The following SPTB variants were observed in gnomAD, a reference collection of about 807,000 sequenced individuals.
SPTB encodes spectrin beta chain, erythrocytic.
Under a neutral mutation model 256.2 loss-of-function variants are expected in SPTB, and 45 were observed. The observed-to-expected ratio is 0.18, with a 90% CI of 0.14 to 0.23. The LOEUF is 0.23. SPTB is among the 10% of genes least tolerant of loss of function. The pLI is 1.00. For synonymous variants in SPTB, 1,231 were observed against 1,243.1 expected (o/e 0.99, Z 0.21); for missense variants, 2,715 against 3,040.4 (o/e 0.89, Z 2.52).
intron 15 of SPTB, among the ~76,000 whole-genome samples, chr14:64,789,187 CA>C (rs1049990042): frequency 6.6e-6 from 1 of 150,858 alleles, no homozygotes; most frequent in African/African-American, 2.4e-5. Flanking sequence ...CTCATCTCTA[CA>C]AAAAAAACAA....
chr14:64,779,720 C>A lies in SPTB; in HGVS notation c.4473+5G>T. On this transcript the variant is annotated splice_donor_5th_base_variant and intron_variant, in intron 21 of 35. Transcript: ENST00000644917. This position sits in a 1 kb window ranked among gnomAD's most constrained non-coding sequence, Gnocchi z 4.2. ...GGAGGTAGGGAGAAGCTGTGGCCCACGCACCGTCTCATCCTCTAAGTCCCG... is the reference window on the plus strand; with the variant it reads ...GGAGGTAGGGAGAAGCTGTGGCCCAAGCACCGTCTCATCCTCTAAGTCCCG... 2 of 1,614,098 alleles carry A rather than the reference C, an allele frequency of 1.2e-6. No individual in the cohort carries two copies. Among genetic ancestry groups the A allele is most frequent in the Non-Finnish European group, 1.7e-6 (2 of 1,180,008 alleles).
rs980682577 is a variant in SPTB at position 64,774,344 on chromosome 14, C to A, written c.4973+53G>T. On this transcript the variant is annotated intron_variant, in intron 24 of 35. Coordinates refer to ENST00000644917, the MANE Select transcript of SPTB (RefSeq NM_001355436.2). ...ATCTGAAGGGACGTTGGCTGGTGGG[C>A]CCCTGGCTCAATCCCCATCTCCTGA... The A allele has an allele frequency of 3.2e-6, 5 of 1,550,588 alleles. No homozygotes were observed. The African/African-American group carries it at 5.4e-5, about 17-fold the overall frequency.
Position 64,786,004 on chromosome 14 carries a change from A to C in SPTB, c.3562-53T>G. On this transcript the variant is annotated intron_variant, in intron 16 of 35. Coordinates refer to ENST00000644917, the MANE Select transcript of SPTB (RefSeq NM_001355436.2). The surrounding 1 kb of genome is among the most constrained non-coding windows in gnomAD (Gnocchi z 5.6). Reference sequence around the variant, plus strand: ...ATGAAGACACACGGAGGAGGTGATGAGCACACCTCCCAAGTGGGAGCACCA... The same window carrying C: ...ATGAAGACACACGGAGGAGGTGATGCGCACACCTCCCAAGTGGGAGCACCA... 1 of 1,565,124 alleles carries C rather than the reference A, an allele frequency of 6.4e-7. No individual in the cohort carries two copies. The highest frequency in any genetic ancestry group is 8.8e-7 in the Non-Finnish European group (1 of 1,139,290).
rs182227046 is a variant in SPTB, at chr14:64,853,892, T to G, written c.-52+25900A>C. Among the ~76,000 whole-genome samples, 624 of 152,292 alleles carry G rather than the reference T, an allele frequency of 4.1e-3. 4 individuals carry two copies. The highest frequency in any genetic ancestry group is 0.014 in the African/African-American group (566 of 41,556). On this transcript the variant is annotated intron_variant, in intron 1 of 35. Coordinates refer to ENST00000644917, the MANE Select transcript of SPTB (RefSeq NM_001355436.2). This position sits in a 1 kb window ranked among gnomAD's most constrained non-coding sequence, Gnocchi z 4.3. The stretch of plus-strand genomic sequence containing the variant: ...CTCAAGAGACATTTATTAAAAATTT[T>G]TTTAGATACTTATCACTGGCCAGCC...
rs1315784039 is a variant in SPTB, at chr14:64,827,667, T to C, written c.-51-4522A>G. On this transcript the variant is annotated intron_variant, in intron 1 of 35. Coordinates refer to ENST00000644917, the MANE Select transcript of SPTB (RefSeq NM_001355436.2). The surrounding 1 kb of genome is among the most constrained non-coding windows in gnomAD (Gnocchi z 4.6). The stretch of plus-strand genomic sequence containing the variant: ...GAATAGTCAAATACACAAAAACACA[T>C]GTGCACACACTCACTAGAATGAGAA... Among the ~76,000 whole-genome samples, 1 of 152,210 alleles carries C rather than the reference T, an allele frequency of 6.6e-6. No homozygotes were observed. The highest frequency in any genetic ancestry group is 1.5e-5 in the Non-Finnish European group (1 of 68,026).
Position 64,748,862 on chromosome 14 carries a change from T to A in SPTB, c.*444A>T, listed in dbSNP as rs1323039093. 5.9e-6 allele frequency: 1 copy of A among 169,350 alleles called. No homozygotes were observed. The highest frequency in any genetic ancestry group is 1.2e-5 in the Non-Finnish European group (1 of 80,594). The allele number at this position is 169,350 out of a possible 1,614,324, so 10.5% of individuals were successfully genotyped here. On this transcript the variant is annotated 3_prime_UTR_variant, in exon 36 of 36. Transcript: ENST00000644917. ...TCCCCTTTCCCTGGCTGCCACCAGG[T>A]GGGAGGTGACCCGAAGCAAGACTTG...
At chr14:64,752,475 G>A (rs2081966429) in intron 33 of SPTB, among the ~76,000 whole-genome samples, 1 of 152,212 alleles carries the variant, frequency 6.6e-6, no homozygotes, top group Non-Finnish European at 1.5e-5. Context: ...TGGCAGAAAG[G>A]CAGTTACTAA....
Position 64,779,144 on chromosome 14 carries a change from A to G in SPTB, c.4563+13T>C. On this transcript the variant is annotated intron_variant, in intron 22 of 35. Transcript: ENST00000644917. This position sits in a 1 kb window ranked among gnomAD's most constrained non-coding sequence, Gnocchi z 4.2. ...AGGGGTGGGTGGGGCTGGTGAGGTGACGCAGGACTCACCTGGTTCTTCTTC... is the reference window on the plus strand; with the variant it reads ...AGGGGTGGGTGGGGCTGGTGAGGTGGCGCAGGACTCACCTGGTTCTTCTTC... 6.2e-7 allele frequency: 1 copy of G among 1,611,812 alleles called. No homozygotes were observed. Among genetic ancestry groups the G allele is most frequent in the Non-Finnish European group, 8.5e-7 (1 of 1,178,850 alleles).
At chr14:64,797,678 C>T (rs538149947) in intron 10 of SPTB, 51 bp downstream of exon 10, 129 of 1,357,182 alleles carry the variant, frequency 9.5e-5, no homozygotes, top group East Asian at 6.2e-4. Flanking sequence ...GTGTCCTTAT[C>T]GGGAATTCAA....
chr14:64,794,565 A>G lies in SPTB; in HGVS notation c.1697T>C (p.Leu566Pro). The change falls in exon 13 of 36, where the codon CTG (leucine) becomes CCG (proline). Residue 566 changes from leucine (L) to proline (P), a missense_variant. Leu to Pro is a moderately conservative substitution (Grantham distance 98). Coordinates refer to ENST00000644917, the MANE Select transcript of SPTB (RefSeq NM_001355436.2). ...TTCCATCAACTTGTGCTTCTGTAGC[A>G]GGTCTTCAACCTCCAACAAGTGCTT... ...FGKHLLEVED[L>P]LQKHKLMEAD... 1 of 1,614,212 alleles carries G rather than the reference A, an allele frequency of 6.2e-7. No individual in the cohort carries two copies. The highest frequency in any genetic ancestry group is 8.5e-7 in the Non-Finnish European group (1 of 1,180,036).
chr14:64,793,100 C>G lies in SPTB; in HGVS notation c.2563G>C (p.Gly855Arg), dbSNP rs748190264. The change falls in exon 14 of 36, where the codon GGG becomes CGG. Residue 855 changes from glycine to arginine, a missense_variant. Transcript: ENST00000644917. This position sits in a 1 kb window ranked among gnomAD's most constrained non-coding sequence, Gnocchi z 7.0. ...QEALDLYTVF[G>R]ETDACELWMG... ...CACAGCTCACAGGCGTCTGTCTCCC[C>G]GAACACCGTGTACAGGTCCAGGGCT... is the stretch of plus-strand genomic sequence containing the variant. The G allele has an allele frequency of 1.2e-6, 2 of 1,614,020 alleles. No individual in the cohort carries two copies. The highest frequency in any genetic ancestry group is 1.7e-6 in the Non-Finnish European group (2 of 1,180,052).
chr14:64,837,080 A>G (rs2083535204), intron 1 of SPTB, among the ~76,000 whole-genome samples: 1 of 152,190 alleles, frequency 6.6e-6, no homozygotes, highest in South Asian at 2.1e-4. Context: ...AAACTTCTCA[A>G]TGTACAACTT....
intron 2 of SPTB, among the ~76,000 whole-genome samples, chr14:64,820,999 G>A (rs2083276602): frequency 1.3e-5 from 2 of 152,006 alleles, no homozygotes; most frequent in African/African-American, 4.8e-5. Context: ...TCATTAACCT[G>A]TCTCCACCAA....
chr14:64,814,404 T>G (rs229675), intron 2 of SPTB, among the ~76,000 whole-genome samples: 1 of 152,040 alleles, frequency 6.6e-6, no homozygotes, highest in African/African-American at 2.4e-5. Context: ...TATATGAGAC[T>G]TTAACAAAAT....
At chr14:64,761,001 A>G (rs2139453651) in intron 32 of SPTB, among the ~76,000 whole-genome samples, 1 of 152,350 alleles carries the variant, frequency 6.6e-6, no homozygotes, top group South Asian at 2.1e-4. Flanking sequence ...GGCTTATGCA[A>G]AACACATGGC....
chr14:64,835,630 G>C (rs2139737961), intron 1 of SPTB, among the ~76,000 whole-genome samples: 1 of 152,264 alleles, frequency 6.6e-6, no homozygotes, highest in East Asian at 1.9e-4. Flanking sequence ...GCCCTGTGCT[G>C]GGCTCTGCTG....
chr14:64,764,802 C>T lies in SPTB; in HGVS notation c.6345+1924G>A, dbSNP rs554876775. 6.4e-4 allele frequency among the ~76,000 whole-genome samples: 97 copies of T among 152,154 alleles called. No individual in the cohort carries two copies. Among genetic ancestry groups the T allele is most frequent in the Non-Finnish European group, 1.3e-3 (90 of 68,026 alleles). The stretch of plus-strand genomic sequence containing the variant: ...CAGTCTGTGCCGGCCCCCCAGAGTT[C>T]GCTCTCCTTCCGGCAGGGGCTGTTG... On this transcript the variant is annotated intron_variant, in intron 32 of 35. Transcript: ENST00000644917. This position sits in a 1 kb window ranked among gnomAD's most constrained non-coding sequence, Gnocchi z 4.2.
chr14:64,850,161 T>C (rs1458017311), intron 1 of SPTB, among the ~76,000 whole-genome samples: 1 of 152,266 alleles, frequency 6.6e-6, no homozygotes, highest in East Asian at 1.9e-4. Context: ...TTCTGCTTTT[T>C]ACCTGTGAAG....
At chr14:64,855,530 C>A (rs1434914756) in intron 1 of SPTB, among the ~76,000 whole-genome samples, 1 of 17,134 alleles carries the variant, frequency 5.8e-5, no homozygotes, top group Non-Finnish European at 1.7e-4. Context: ...ATTTTTAAAT[C>A]TTTTCATATA....
Sources: gnomAD v4.1 joint callset for allele counts (sites outside exome capture counted in the v4.1 genomes callset) on GRCh38, gnomAD v4.1.1 for gene constraint, Gnocchi (gnomAD v3.1) non-coding constraint, MANE v1.5 for transcripts, NCBI Gene and HGNC (gene_info 2026-07-23, HGNC 2026-07-21) for gene names.